The following CNTNAP2 variants were observed in gnomAD, a reference collection of about 807,000 sequenced individuals.
CNTNAP2 encodes the protein contactin associated protein 2.
In CNTNAP2, 98 loss-of-function variants were observed where a neutral mutation model predicts 155.2. The ratio of observed to expected loss-of-function variants is 0.63; its 90% CI spans 0.54 to 0.75. CNTNAP2 has a LOEUF of 0.75. Among genes scored for constraint, CNTNAP2 ranks in the 30% least tolerant of loss-of-function variants. The pLI is 0.00. For synonymous variants in CNTNAP2, 651 were observed against 631.2 expected, an observed-to-expected ratio of 1.03 and a Z score of -0.47; for missense variants, 1,727 against 1,688.1, an observed-to-expected ratio of 1.02 and a Z score of -0.40.
chr7:146,832,989 C>A (rs1316074506), intron 2 of CNTNAP2, among the ~76,000 whole-genome samples: 1 of 152,084 alleles, frequency 6.6e-6, no homozygotes, highest in Non-Finnish European at 1.5e-5. Flanking sequence ...AGCTACCATG[C>A]CCAGCTTAGC....
At chr7:148,234,522 T>C (rs1450879408) in intron 20 of CNTNAP2, among the ~76,000 whole-genome samples, 1 of 152,202 alleles carries the variant, frequency 6.6e-6, no homozygotes, top group Non-Finnish European at 1.5e-5. Context: ...CCTGGTTACA[T>C]AGTGGGCCCC....
intron 1 of CNTNAP2, among the ~76,000 whole-genome samples, chr7:146,493,063 T>C (rs1190313354): frequency 6.6e-6 from 1 of 152,178 alleles, no homozygotes; most frequent in Non-Finnish European, 1.5e-5. Context: ...TAATAACCCT[T>C]GGAAATAAAG....
At chr7:146,883,933 G>GT (rs989390783) in intron 3 of CNTNAP2, among the ~76,000 whole-genome samples, 1 of 151,876 alleles carries the variant, frequency 6.6e-6, no homozygotes, top group African/African-American at 2.4e-5. Context: ...TCATTTATTA[G>GT]TTTTTTTGGA....
intron 14 of CNTNAP2, among the ~76,000 whole-genome samples, chr7:147,957,993 T>C (rs1801049626): frequency 6.6e-6 from 1 of 152,112 alleles, no homozygotes; most frequent in South Asian, 2.1e-4. Context: ...AAGGATTGCT[T>C]GAGCCTTGGA....
intron 3 of CNTNAP2, among the ~76,000 whole-genome samples, chr7:146,974,715 AG>A (rs1314440837): frequency 9.9e-5 from 15 of 152,276 alleles, no homozygotes; most frequent in African/African-American, 1.4e-4. Context: ...AAGCAAGAAT[AG>A]GACTGGGCAC....
At chr7:148,214,727 C>T (rs1795607221) in intron 18 of CNTNAP2, among the ~76,000 whole-genome samples, 2 of 152,048 alleles carry the variant, frequency 1.3e-5, no homozygotes, top group Non-Finnish European at 2.9e-5. Context: ...CCTACCACCA[C>T]GCCTGGCTAA....
At chr7:146,848,846 C>A (rs1245136444) in intron 3 of CNTNAP2, among the ~76,000 whole-genome samples, 1 of 152,192 alleles carries the variant, frequency 6.6e-6, no homozygotes, top group African/African-American at 2.4e-5. Context: ...GATTTCAGCT[C>A]ATTGCAACCT....
chr7:146,131,098 A>C (rs148853055), intron 1 of CNTNAP2, among the ~76,000 whole-genome samples: 2,137 of 152,326 alleles, frequency 0.014, 44 homozygotes, highest in African/African-American at 0.047. Context: ...ACATAGTTTC[A>C]CATAACATTT....
rs550757792 is a variant in CNTNAP2 at position 147,537,998 on chromosome 7, A to G, written c.1778-24140A>G. 2.0e-3 allele frequency among the ~76,000 whole-genome samples: 305 copies of G among 152,214 alleles called. 1 individual carries two copies. Among genetic ancestry groups the G allele is most frequent in the African/African-American group, 7.3e-3 (302 of 41,480 alleles). On this transcript the variant is annotated intron_variant, in intron 11 of 23. Coordinates refer to ENST00000361727, the MANE Select transcript of CNTNAP2 (RefSeq NM_014141.6). ...TGTGAATTTGAAAAAACATTTATTTACAGACCACTAAAAATCTCCCAGGAA... is the reference window on the plus strand; with the variant it reads ...TGTGAATTTGAAAAAACATTTATTTGCAGACCACTAAAAATCTCCCAGGAA...
chr7:147,053,011 A>T (rs1334740281), intron 4 of CNTNAP2, among the ~76,000 whole-genome samples: 1 of 152,098 alleles, frequency 6.6e-6, no homozygotes, highest in Non-Finnish European at 1.5e-5. Context: ...TTGGGTTTCA[A>T]ACTAGAATTG....
intron 12 of CNTNAP2, among the ~76,000 whole-genome samples, chr7:147,570,079 G>A (rs952646220): frequency 1.4e-4 from 22 of 152,200 alleles, no homozygotes; most frequent in African/African-American, 4.1e-4. Context: ...GCTTTCCAGC[G>A]CTGACCTGAC....
intron 1 of CNTNAP2, among the ~76,000 whole-genome samples, chr7:146,457,918 A>G (rs1474632187): frequency 6.6e-6 from 1 of 152,230 alleles, no homozygotes; most frequent in Admixed American, 6.5e-5. Context: ...TAATATGATC[A>G]TCACTCAACA....
chr7:147,065,919 A>G (rs1013807438), intron 4 of CNTNAP2, among the ~76,000 whole-genome samples: 1 of 152,162 alleles, frequency 6.6e-6, no homozygotes, highest in Non-Finnish European at 1.5e-5. Context: ...GAAAATAAAG[A>G]CGGTGATTTT....
chr7:147,720,639 G>A (rs1830043), intron 13 of CNTNAP2, among the ~76,000 whole-genome samples: 2,505 of 152,122 alleles, frequency 0.016, 225 homozygotes, highest in Admixed American at 0.15. Flanking sequence ...CTGTTCTCAC[G>A]ATAGTAAGTT....
At chr7:146,720,286 T>A (rs1801262923) in intron 1 of CNTNAP2, among the ~76,000 whole-genome samples, 1 of 152,172 alleles carries the variant, frequency 6.6e-6, no homozygotes, top group Non-Finnish European at 1.5e-5. Flanking sequence ...CCATTTATCA[T>A]CCTGTAGAGT....
chr7:148,281,437 A>C (rs1329328573), intron 21 of CNTNAP2, among the ~76,000 whole-genome samples: 1 of 152,252 alleles, frequency 6.6e-6, no homozygotes, highest in Non-Finnish European at 1.5e-5. Flanking sequence ...CTATAAGGAC[A>C]GAAGCAGCAG....
At chr7:148,189,252 C>T (rs1585177020) in intron 18 of CNTNAP2, among the ~76,000 whole-genome samples, 1 of 152,026 alleles carries the variant, frequency 6.6e-6, no homozygotes, top group African/African-American at 2.4e-5. Flanking sequence ...CCTCCAAAAT[C>T]CCTAGAAAAG....
intron 1 of CNTNAP2, among the ~76,000 whole-genome samples, chr7:146,290,793 C>T (rs1049787433): frequency 6.6e-6 from 1 of 152,138 alleles, no homozygotes; most frequent in Non-Finnish European, 1.5e-5. Context: ...AGTTTATTTG[C>T]CTGCTTAAAT....
intron 11 of CNTNAP2, among the ~76,000 whole-genome samples, chr7:147,500,085 AT>A (rs1229995396): frequency 2.0e-5 from 3 of 151,210 alleles, no homozygotes; most frequent in Non-Finnish European, 2.9e-5. Context: ...CCAGAGCAAG[AT>A]TTTTTTTTAA....
Sources: gnomAD v4.1 joint callset for allele counts (sites outside exome capture counted in the v4.1 genomes callset) on GRCh38, gnomAD v4.1.1 for gene constraint, MANE v1.5 for transcripts, NCBI Gene and HGNC (gene_info 2026-07-23, HGNC 2026-07-21) for gene names.